Variants in BEST1 observed in about 807,000 individuals in gnomAD.
The protein encoded by BEST1 is bestrophin 1.
In BEST1, 58 loss-of-function variants were observed where a neutral mutation model predicts 63.3. The ratio of observed to expected loss-of-function variants is 0.92; its 90% CI spans 0.74 to 1.14. BEST1 has a LOEUF of 1.14. Ranked by LOEUF, BEST1 falls within the 50% of genes most tolerant of loss-of-function variation. The probability of loss-of-function intolerance (pLI) is 0.00; values close to 1 mark genes in which losing one functional copy is unlikely to be tolerated. For missense variants in BEST1, 671 were observed against 740.1 expected (o/e 0.91, Z 1.08); for synonymous variants, 283 against 291.6 (o/e 0.97, Z 0.30).
At chr11:61,963,148 G>C in intron 10 of BEST1, 1 of 1,453,844 alleles carries the variant, frequency 6.9e-7, no homozygotes, top group Non-Finnish European at 9.1e-7. Context: ...GAAGGAAGAT[G>C]AGGTTGTGCT....
At chr11:61,952,022 G>T in intron 2 of BEST1, 64 bp downstream of exon 2, 4 of 1,576,968 alleles carry the variant, frequency 2.5e-6, no homozygotes, top group Non-Finnish European at 3.5e-6. Context: ...GGAGCTCCTG[G>T]GGGCCTCCCA....
intron 7 of BEST1, 130 bp from the exon 8 acceptor site, chr11:61,959,368 C>T: frequency 1.1e-6 from 1 of 871,436 alleles, no homozygotes; most frequent in Admixed American, 2.0e-5. Context: ...CTAAACTCTG[C>T]CTTTGAAGAC....
intron 6 of BEST1, 79 bp downstream of exon 6, chr11:61,957,543 G>C: frequency 7.1e-7 from 1 of 1,403,556 alleles, no homozygotes. Context: ...GGTGGGAAGG[G>C]CTCACCTAGA....
chr11:61,950,674 A>G (rs957424605), intron 1 of BEST1, among the ~76,000 whole-genome samples: 32 of 152,360 alleles, frequency 2.1e-4, no homozygotes, highest in African/African-American at 6.0e-4. Context: ...TCACTGCTTC[A>G]GTAAATTTTT....
In BEST1 at chr11:61,964,291, C is replaced by A; in HGVS notation, c.*169C>A. ...GATAAAAATCCCAGACTACTTCAGC[C>A]TTTAATGCCTTTTATTCATAAAAAC... On this transcript the variant is annotated 3_prime_UTR_variant, in exon 11 of 11. Coordinates refer to ENST00000378043, the MANE Select transcript of BEST1 (RefSeq NM_004183.4). 1 of 1,268,886 alleles carries A rather than the reference C, an allele frequency of 7.9e-7. No individual in the cohort carries two copies. The highest frequency in any genetic ancestry group is 1.1e-6 in the Non-Finnish European group (1 of 926,552). 78.6% of individuals were successfully genotyped at this position (1,268,886 alleles called of 1,614,324 possible).
chr11:61,955,339 G>C (rs956742346), intron 3 of BEST1, 138 bp downstream of exon 3: 1 of 1,531,734 alleles, frequency 6.5e-7, no homozygotes, highest in Non-Finnish European at 8.8e-7. Flanking sequence ...GCGCCTCTCT[G>C]TAGGGAAAGG....
chr11:61,964,495 G>A (rs972390770), downstream of BEST1: 24 of 626,442 alleles, frequency 3.8e-5, no homozygotes, highest in South Asian at 1.2e-4. Context: ...ACTGAACAAC[G>A]GCACTTAAGG....
downstream of BEST1, chr11:61,964,832 C>T: frequency 1.9e-6 from 3 of 1,601,228 alleles, no homozygotes; most frequent in Non-Finnish European, 1.7e-6. Flanking sequence ...CGTGGTCACC[C>T]AATTCTTTGA....
chr11:61,952,279 A>G (rs1940757890), intron 2 of BEST1, among the ~76,000 whole-genome samples: 1 of 147,378 alleles, frequency 6.8e-6, no homozygotes, highest in African/African-American at 2.5e-5. Context: ...ACACAGACTC[A>G]TAGGCCCACA....
chr11:61,963,676 T>C, intron 10 of BEST1: 1 of 1,063,904 alleles, frequency 9.4e-7, no homozygotes. Context: ...AATTTCAGTC[T>C]TGCTTCTAGG....
chr11:61,956,070 C>A, intron 4 of BEST1, 119 bp downstream of exon 4: 1 of 1,069,910 alleles, frequency 9.3e-7, no homozygotes, highest in Non-Finnish European at 1.3e-6. Context: ...TGGGTGGAGC[C>A]AGGAGTGGGG....
chr11:61,959,346 G>T, intron 7 of BEST1, 152 bp from the exon 8 acceptor site: 1 of 741,508 alleles, frequency 1.3e-6, no homozygotes, highest in Non-Finnish European at 2.4e-6. Context: ...ACAAGTGTGG[G>T]GGGCTGGAGC....
Position 61,962,288 on chromosome 11 carries a change from T to C in BEST1, c.1134T>C (p.Asn378=), listed in dbSNP as rs755472349. The change falls in exon 10 of 11, where the codon AAT becomes AAC. Residue 378 remains asparagine, a synonymous_variant. Transcript: ENST00000378043. ...AAGAGGAGATGGAGTTCCAGCCCAA[T>C]CAGGAGGACGAGGAGGATGCTCACG... is the stretch of plus-strand genomic sequence containing the variant. ...LNKEEMEFQP[N]QEDEEDAHAG... The C allele has an allele frequency of 6.2e-7, 1 of 1,614,104 alleles. No homozygotes were observed. The highest frequency in any genetic ancestry group is 8.5e-7 in the Non-Finnish European group (1 of 1,180,008).
chr11:61,957,298 A>T, intron 5 of BEST1, 89 bp from the exon 6 acceptor site: 2 of 1,237,528 alleles, frequency 1.6e-6, no homozygotes, highest in Non-Finnish European at 1.2e-6. Flanking sequence ...CATAGGTACC[A>T]GGCCCTGGTA....
intron 3 of BEST1, 99 bp downstream of exon 3, chr11:61,955,300 G>C (rs1565387254): frequency 3.2e-6 from 5 of 1,586,318 alleles, no homozygotes; most frequent in Non-Finnish European, 3.4e-6. Flanking sequence ...GGGCTGGGGA[G>C]GGGGCGGGGG....
chr11:61,961,629 C>T, intron 9 of BEST1: 1 of 157,264 alleles, frequency 6.4e-6, no homozygotes, highest in Non-Finnish European at 1.4e-5. Context: ...TACTGGATGT[C>T]CAGAAAAGGG....
rs1379860460 is a variant in BEST1, at chr11:61,964,254, G to A, written c.*132G>A. On this transcript the variant is annotated 3_prime_UTR_variant, in exon 11 of 11. Coordinates refer to ENST00000378043, the MANE Select transcript of BEST1 (RefSeq NM_004183.4). ...GTCCTACAACAGCCTGAATCAAATG[G>A]TTAGCTTAATAGATAAAAATCCCAG... 3 of 1,531,546 alleles carry A rather than the reference G, an allele frequency of 2.0e-6. No individual in the cohort carries two copies. The highest frequency in any genetic ancestry group is 2.3e-5 in the East Asian group (1 of 42,572). 94.9% of individuals were successfully genotyped at this position (1,531,546 alleles called of 1,614,324 possible).
chr11:61,964,423 T>TGCC lies in BEST1; in HGVS notation c.*302_*304dup. On this transcript the variant is annotated 3_prime_UTR_variant, in exon 11 of 11. Transcript: ENST00000378043. ...CCAAGACAGCCACACCTTAGTATACTGCCCAAACTAATGAGTTTAATAAAT... is the reference window on the plus strand; with the variant it reads ...CCAAGACAGCCACACCTTAGTATACTGCCGCCCAAACTAATGAGTTTAATAAAT... 1.6e-6 allele frequency: 1 copy of TGCC among 618,170 alleles called. No homozygotes were observed. Among genetic ancestry groups the TGCC allele is most frequent in the South Asian group, 2.0e-5 (1 of 49,712 alleles). 38.3% of individuals were successfully genotyped at this position (618,170 alleles called of 1,614,324 possible).
chr11:61,951,134 C>T lies in BEST1; in HGVS notation c.-36-637C>T, dbSNP rs933835491. On this transcript the variant is annotated intron_variant, in intron 1 of 10. Coordinates refer to ENST00000378043, the MANE Select transcript of BEST1 (RefSeq NM_004183.4). ...CGAACAAGATGGGCTGAGAACACTG[C>T]CTAGCCCAGAGGACCTGAGCTTAGT... 2.0e-5 allele frequency among the ~76,000 whole-genome samples: 3 copies of T among 152,298 alleles called. 1 individual carries two copies. Among genetic ancestry groups the T allele is most frequent in the Middle Eastern group, 3.4e-3 (1 of 294 alleles).
Sources: allele counts gnomAD v4.1 joint callset (sites outside exome capture counted in the v4.1 genomes callset), GRCh38; gene constraint gnomAD v4.1.1; transcripts MANE v1.5; gene names NCBI Gene and HGNC (gene_info 2026-07-23, HGNC 2026-07-21).